Variants in DNM2 observed in about 807,000 individuals in gnomAD.
The protein encoded by DNM2 is dynamin-2.
A neutral mutation model predicts 99.0 loss-of-function variants in DNM2; 15 were observed. That is an observed-to-expected ratio of 0.15 (90% CI 0.10 to 0.23). DNM2 has a LOEUF of 0.23. DNM2 is among the 10% of genes least tolerant of loss of function. The pLI is 1.00. For missense variants in DNM2, 742 were observed against 1,189.4 expected, an observed-to-expected ratio of 0.62 and a Z score of 5.53; for synonymous variants, 525 against 481.2, an observed-to-expected ratio of 1.09 and a Z score of -1.19.
intron 5 of DNM2, chr19:10,780,253 G>A (rs2071321383): frequency 1.3e-5 from 2 of 153,316 alleles, no homozygotes; most frequent in African/African-American, 4.8e-5. Flanking sequence ...AAGCAAATCT[G>A]TGGCTGGCTG....
rs1488237644 is a variant in DNM2 at position 10,775,810 on chromosome 19, A to G, written c.493A>G (p.Ser165Gly). ...QIKDMILQFI[S>G]RESSLILAVT... The stretch of plus-strand genomic sequence containing the variant: ...CAAGGACATGATCCTGCAGTTCATC[A>G]GCCGGGAGAGCAGCCTCATTCTGGC... The change falls in exon 4 of 21, where the codon AGC becomes GGC. Residue 165 changes from serine (S) to glycine (G), a missense_variant. Transcript: ENST00000389253. This position sits in a 1 kb window ranked among gnomAD's most constrained non-coding sequence, Gnocchi z 4.3. The G allele has an allele frequency of 6.2e-7, 1 of 1,614,016 alleles. No homozygotes were observed. The highest frequency in any genetic ancestry group is 2.2e-5 in the East Asian group (1 of 44,886).
intron 1 of DNM2, among the ~76,000 whole-genome samples, chr19:10,728,338 C>T (rs142091640): frequency 5.5e-4 from 83 of 152,268 alleles, no homozygotes; most frequent in Middle Eastern, 6.8e-3. Context: ...GGCCTGAAGT[C>T]ACACAGGGAG....
At chr19:10,777,035 C>G (rs2071179205) in intron 4 of DNM2, 83 bp from the exon 5 acceptor site, 3 of 1,402,272 alleles carry the variant, frequency 2.1e-6, no homozygotes, top group Non-Finnish European at 3.0e-6. Context: ...TCAGGGCCAA[C>G]TGGACCCCAG....
intron 5 of DNM2, 120 bp downstream of exon 5, chr19:10,777,336 C>T: frequency 1.1e-6 from 1 of 935,504 alleles, no homozygotes; most frequent in Non-Finnish European, 1.7e-6. Flanking sequence ...CACCGTAACT[C>T]CTTCTTTCTT....
chr19:10,731,568 G>T (rs1296040198), intron 1 of DNM2, among the ~76,000 whole-genome samples: 3 of 152,140 alleles, frequency 2.0e-5, no homozygotes, highest in Non-Finnish European at 4.4e-5. Context: ...TGGCCAGGCT[G>T]GTCTCGAACT....
chr19:10,784,608 T>G (rs1400830547), intron 6 of DNM2, among the ~76,000 whole-genome samples: 1 of 152,036 alleles, frequency 6.6e-6, no homozygotes, highest in Non-Finnish European at 1.5e-5. Context: ...CCTAGTATCC[T>G]GTCACAGACC....
intron 4 of DNM2, among the ~76,000 whole-genome samples, chr19:10,776,597 C>T (rs1288682226): frequency 6.6e-6 from 1 of 152,242 alleles, no homozygotes; most frequent in Non-Finnish European, 1.5e-5. Flanking sequence ...AGCAGTTGAT[C>T]TGCAGAGGTG....
intron 1 of DNM2, among the ~76,000 whole-genome samples, chr19:10,724,706 G>A (rs778768731): frequency 1.4e-4 from 22 of 152,198 alleles, no homozygotes; most frequent in Non-Finnish European, 2.6e-4. Context: ...TCTGAGCAGA[G>A]GGAAGTAAAG....
At chr19:10,819,252 A>AATAATG (rs1271034037) in intron 15 of DNM2, among the ~76,000 whole-genome samples, 1 of 152,122 alleles carries the variant, frequency 6.6e-6, no homozygotes, top group Non-Finnish European at 1.5e-5. Flanking sequence ...TCTCTATTAA[A>AATAATG]ATAATGATAA....
Position 10,831,174 on chromosome 19 carries a change from T to G in DNM2, c.*127T>G, listed in dbSNP as rs1190898695. 1 of 1,424,072 alleles carries G rather than the reference T, an allele frequency of 7.0e-7. No individual in the cohort carries two copies. The highest frequency in any genetic ancestry group is 9.2e-7 in the Non-Finnish European group (1 of 1,091,366). The allele number at this position is 1,424,072 out of a possible 1,614,324, so 88.2% of individuals were successfully genotyped here. A position where few individuals can be genotyped will look rare whatever the true frequency, so the allele number is the denominator to read the frequency against. On this transcript the variant is annotated 3_prime_UTR_variant, in exon 21 of 21. Coordinates refer to ENST00000389253, the MANE Select transcript of DNM2 (RefSeq NM_001005361.3). This position sits in a 1 kb window ranked among gnomAD's most constrained non-coding sequence, Gnocchi z 4.3. ...CCAGTGGGCAGCCCTGGCCTCTTCC[T>G]TAACGCTGGCCCCGGTCCAGGGCCG...
At chr19:10,801,587 G>A (rs2072144099) in intron 11 of DNM2, among the ~76,000 whole-genome samples, 1 of 138,430 alleles carries the variant, frequency 7.2e-6, no homozygotes, top group Non-Finnish European at 1.5e-5. Context: ...CAGCCTGGGA[G>A]ACAGTAAGTT....
In DNM2 at chr19:10,830,122, C is replaced by T. The variant is rs1712467002; in HGVS notation, c.2292-5C>T. Reference sequence around the variant, plus strand: ...CTGTAGCTCACACCCTCTCCTTCCTCACAGCCCCACTCCACAGCGCCGACC... The same window carrying T: ...CTGTAGCTCACACCCTCTCCTTCCTTACAGCCCCACTCCACAGCGCCGACC... On this transcript the variant is annotated splice_polypyrimidine_tract_variant and splice_region_variant and intron_variant, in intron 19 of 20. Coordinates refer to ENST00000389253, the MANE Select transcript of DNM2 (RefSeq NM_001005361.3). This position sits in a 1 kb window ranked among gnomAD's most constrained non-coding sequence, Gnocchi z 4.8. 3 of 1,613,732 alleles carry T rather than the reference C, an allele frequency of 1.9e-6. No homozygotes were observed. Among genetic ancestry groups the T allele is most frequent in the Non-Finnish European group, 2.5e-6 (3 of 1,179,834 alleles).
intron 1 of DNM2, among the ~76,000 whole-genome samples, chr19:10,719,080 C>T (rs757504383): frequency 6.6e-6 from 1 of 152,160 alleles, no homozygotes; most frequent in Non-Finnish European, 1.5e-5. Context: ...CTAGGGGACC[C>T]TGTTTGATTC....
At chr19:10,813,794 C>T (rs1157334470) in intron 15 of DNM2, among the ~76,000 whole-genome samples, 1 of 150,734 alleles carries the variant, frequency 6.6e-6, no homozygotes, top group Non-Finnish European at 1.5e-5. Context: ...CCACTGCACT[C>T]CAGCCTGGGC....
Position 10,775,631 on chromosome 19 carries a change from G to T in DNM2, c.386-72G>T, listed in dbSNP as rs1327609539. Reference sequence around the variant, plus strand: ...CGCGCAGGAACTTTGGTAGTCAGCTGGGTGGCTGCGGGCCTGTTTGTGCCT... The same window carrying T: ...CGCGCAGGAACTTTGGTAGTCAGCTTGGTGGCTGCGGGCCTGTTTGTGCCT... On this transcript the variant is annotated intron_variant, in intron 3 of 20. Coordinates refer to ENST00000389253, the MANE Select transcript of DNM2 (RefSeq NM_001005361.3). The surrounding 1 kb of genome is among the most constrained non-coding windows in gnomAD (Gnocchi z 4.3). 3 of 1,559,836 alleles carry T rather than the reference G, an allele frequency of 1.9e-6. No homozygotes were observed.
At chr19:10,799,410 T>C (rs1176394153) in intron 11 of DNM2, among the ~76,000 whole-genome samples, 1 of 152,090 alleles carries the variant, frequency 6.6e-6, no homozygotes, top group East Asian at 1.9e-4. Flanking sequence ...GCGTGTTGTT[T>C]GTTGTATCTG....
intron 1 of DNM2, among the ~76,000 whole-genome samples, chr19:10,730,455 G>A (rs1369293432): frequency 1.3e-5 from 2 of 151,930 alleles, no homozygotes; most frequent in Non-Finnish European, 2.9e-5. Flanking sequence ...CTGCAGCGTG[G>A]GTGACAGAGC....
At chr19:10,776,700 C>T (rs1216435993) in intron 4 of DNM2, among the ~76,000 whole-genome samples, 2 of 152,216 alleles carry the variant, frequency 1.3e-5, no homozygotes, top group Non-Finnish European at 2.9e-5. Flanking sequence ...TTTAGCCATT[C>T]AGGCAAGAGG....
intron 15 of DNM2, among the ~76,000 whole-genome samples, chr19:10,813,693 G>A (rs575260453): frequency 1.6e-4 from 24 of 152,096 alleles, no homozygotes; most frequent in African/African-American, 5.1e-4. Flanking sequence ...GGGCATGGTG[G>A]TGCATACCTG....
Sources: allele counts gnomAD v4.1 joint callset (sites outside exome capture counted in the v4.1 genomes callset), GRCh38; gene constraint gnomAD v4.1.1; non-coding constraint Gnocchi (gnomAD v3.1); transcripts MANE v1.5; gene names NCBI Gene and HGNC (gene_info 2026-07-23, HGNC 2026-07-21).